VAV2: variants seen among roughly 807,000 people sequenced by gnomAD.
VAV2 encodes vav guanine nucleotide exchange factor 2.
In VAV2, 67 loss-of-function variants were observed where a neutral mutation model predicts 132.5. The observed-to-expected ratio is 0.51, with a 90% confidence interval of 0.42 to 0.62. The LOEUF (loss-of-function observed/expected upper bound fraction) is 0.62, where lower values mean the gene tolerates loss of function less well. Ranked by LOEUF, VAV2 falls within the 20% of genes least tolerant of loss-of-function variation. The pLI, the probability that VAV2 is intolerant of heterozygous loss-of-function variation, is 0.00. For missense variants in VAV2, 938 were observed against 1,153.6 expected (o/e 0.81, Z 2.71); for synonymous variants, 492 against 443.5 (o/e 1.11, Z -1.37).
At chr9:133,907,620 C>G (rs1243215766) in intron 2 of VAV2, among the ~76,000 whole-genome samples, 1 of 152,266 alleles carries the variant, frequency 6.6e-6, no homozygotes, top group Non-Finnish European at 1.5e-5. Context: ...GGAATCAAAA[C>G]TGATTTATGG....
At position 133,967,030 on chromosome 9, in the gene VAV2, G is replaced by C. The variant is rs1161107264; in HGVS notation, c.204+25045C>G. 6.0e-3 allele frequency among the ~76,000 whole-genome samples: 517 copies of C among 86,404 alleles called. 3 individuals are homozygous for C. The highest frequency in any genetic ancestry group is 0.02 in the African/African-American group (478 of 23,458). The allele number at this position is 86,404 out of a possible 152,430, so 56.7% of individuals were successfully genotyped here. On this transcript the variant is annotated intron_variant, in intron 1 of 29. Transcript: ENST00000371850. ...AGCCTAGGTGACTGAGCAAGACTTT[G>C]TCTCAAAAAAAAAAAAAAAAAGCAA...
At chr9:133,929,211 T>C (rs558648899) in intron 2 of VAV2, among the ~76,000 whole-genome samples, 4 of 151,958 alleles carry the variant, frequency 2.6e-5, no homozygotes, top group Non-Finnish European at 4.4e-5. Flanking sequence ...GTGGGTCCAC[T>C]CTCACCTGGC....
intron 2 of VAV2, among the ~76,000 whole-genome samples, chr9:133,873,026 T>C (rs1348794440): frequency 2.7e-5 from 4 of 147,176 alleles, no homozygotes; most frequent in Admixed American, 7.0e-5. Flanking sequence ...GGCAGAAGAA[T>C]TGCTTGAACC....
intron 2 of VAV2, among the ~76,000 whole-genome samples, chr9:133,866,460 C>T (rs1335419314): frequency 2.6e-5 from 4 of 152,170 alleles, no homozygotes; most frequent in South Asian, 2.1e-4. Flanking sequence ...AGTGAGGACA[C>T]GCCTACTCAA....
At chr9:133,812,649 G>A (rs1476125046) in intron 4 of VAV2, among the ~76,000 whole-genome samples, 1 of 152,170 alleles carries the variant, frequency 6.6e-6, no homozygotes, top group East Asian at 1.9e-4. Context: ...CTGGAGACCT[G>A]AGTGCTTCCG....
chr9:133,844,226 A>G (rs951510107), intron 3 of VAV2, among the ~76,000 whole-genome samples: 9 of 152,108 alleles, frequency 5.9e-5, no homozygotes, highest in Non-Finnish European at 2.9e-5. Flanking sequence ...GGCATAATAT[A>G]TATTTTTATT....
At chr9:133,815,630 C>A (rs1835527307) in intron 4 of VAV2, among the ~76,000 whole-genome samples, 1 of 152,202 alleles carries the variant, frequency 6.6e-6, no homozygotes, top group African/African-American at 2.4e-5. Flanking sequence ...CCCACATTTG[C>A]AGCTCATTCC....
rs889602482 is a variant in VAV2, at chr9:133,892,391, G to C, written c.322-30959C>G. On this transcript the variant is annotated intron_variant, in intron 2 of 29. Transcript: ENST00000371850. The stretch of plus-strand genomic sequence containing the variant: ...AAGCCTCTGTTTATTTTGGAAATGT[G>C]GGGGCTGAGGAGGTGGGGAGTGAAA... Among the ~76,000 whole-genome samples, 48 of 151,964 alleles carry C rather than the reference G, an allele frequency of 3.2e-4. 1 individual carries two copies. The Middle Eastern group carries it at 0.01, about 32-fold the overall frequency.
rs56219463 is a variant in VAV2, at chr9:133,796,363, A to G, written c.1032+66T>C. 1.2e-3 allele frequency: 1,641 copies of G among 1,422,386 alleles called. 34 individuals carry two copies. The East Asian group carries it at 0.036, about 32-fold the overall frequency. 88.1% of individuals were successfully genotyped at this position (1,422,386 alleles called of 1,614,324 possible). On this transcript the variant is annotated intron_variant, in intron 11 of 29. Coordinates refer to ENST00000371850, the MANE Select transcript of VAV2 (RefSeq NM_001134398.2). Reference sequence around the variant, plus strand: ...TGGGCTGCAACCTATACCCCCTGGAAGCTGCCAGCCCTCATCTGACTCCAG... The same window carrying G: ...TGGGCTGCAACCTATACCCCCTGGAGGCTGCCAGCCCTCATCTGACTCCAG...
chr9:133,832,565 T>C (rs1024814456), intron 4 of VAV2, among the ~76,000 whole-genome samples: 1 of 151,966 alleles, frequency 6.6e-6, no homozygotes, highest in South Asian at 2.1e-4. Flanking sequence ...TTTTCTTTTT[T>C]TTTTTTACCC....
At chr9:133,766,992 G>A (rs1833460277) in intron 29 of VAV2, among the ~76,000 whole-genome samples, 1 of 151,790 alleles carries the variant, frequency 6.6e-6, no homozygotes, top group African/African-American at 2.4e-5. Flanking sequence ...AAGAAAAAAA[G>A]TGTGTAACTA....
chr9:133,870,912 G>GTGGA (rs58400843), intron 2 of VAV2, among the ~76,000 whole-genome samples: 1,384 of 128,388 alleles, frequency 0.011, 47 homozygotes, highest in African/African-American at 0.039. Context: ...GGGTGGGTGG[G>GTGGA]TGGATGGATG....
chr9:133,958,370 C>T (rs1003541362), intron 1 of VAV2, among the ~76,000 whole-genome samples: 1 of 149,378 alleles, frequency 6.7e-6, no homozygotes. Flanking sequence ...GGAGGTGGGA[C>T]CTGCGGGCAG....
At position 133,824,681 on chromosome 9, in the gene VAV2, GGGTCCCA is replaced by G. The variant is rs1835916769; in HGVS notation, c.449+9584_449+9590del. Among the ~76,000 whole-genome samples, 1 of 152,108 alleles carries G rather than the reference GGGTCCCA, an allele frequency of 6.6e-6. No homozygotes were observed. Among genetic ancestry groups the G allele is most frequent in the Non-Finnish European group, 1.5e-5 (1 of 68,014 alleles). On this transcript the variant is annotated intron_variant, in intron 4 of 29. Transcript: ENST00000371850. This position sits in a 1 kb window ranked among gnomAD's most constrained non-coding sequence, Gnocchi z 5.2. ...GTGAGAAGTGCAGGGGCCCACAACGGGGTCCCAGGTCCCAGGTCTGTGGGGCAGGGAG... is the reference window on the plus strand; with the variant it reads ...GTGAGAAGTGCAGGGGCCCACAACGGGGTCCCAGGTCTGTGGGGCAGGGAG...
At position 133,823,592 on chromosome 9, in the gene VAV2, C is replaced by G. The variant is rs961850332; in HGVS notation, c.449+10680G>C. 2.6e-5 allele frequency among the ~76,000 whole-genome samples: 4 copies of G among 152,078 alleles called. No individual in the cohort carries two copies. The highest frequency in any genetic ancestry group is 9.7e-5 in the African/African-American group (4 of 41,412). On this transcript the variant is annotated intron_variant, in intron 4 of 29. Transcript: ENST00000371850. This position sits in a 1 kb window ranked among gnomAD's most constrained non-coding sequence, Gnocchi z 5.5. Reference sequence around the variant, plus strand: ...CTCTTCCTGGAGTTCCAGAACAGCACGAGGAGGGCGATTTAGAGGGGGAGG... The same window carrying G: ...CTCTTCCTGGAGTTCCAGAACAGCAGGAGGAGGGCGATTTAGAGGGGGAGG...
At chr9:133,925,636 G>A (rs1278226086) in intron 2 of VAV2, among the ~76,000 whole-genome samples, 2 of 152,230 alleles carry the variant, frequency 1.3e-5, no homozygotes, top group African/African-American at 2.4e-5. Context: ...TTGCTGCTGG[G>A]GATCTGGGAA....
At chr9:133,779,210 T>C (rs1350620583) in intron 21 of VAV2, among the ~76,000 whole-genome samples, 10 of 152,242 alleles carry the variant, frequency 6.6e-5, no homozygotes, top group Non-Finnish European at 1.0e-4. Context: ...GGGGGATCCC[T>C]CGTGTCAGAG....
chr9:133,856,145 G>A (rs774922134), intron 3 of VAV2, among the ~76,000 whole-genome samples: 7 of 152,346 alleles, frequency 4.6e-5, no homozygotes, highest in African/African-American at 9.6e-5. Flanking sequence ...TGGGGAGGGC[G>A]GTGACTGCTC....
chr9:133,822,584 C>T (rs985331230), intron 4 of VAV2, among the ~76,000 whole-genome samples: 1 of 152,148 alleles, frequency 6.6e-6, no homozygotes, highest in African/African-American at 2.4e-5. Context: ...GGAGGCCTTG[C>T]TTTTTCTACA....
Sources: allele counts gnomAD v4.1 joint callset (sites outside exome capture counted in the v4.1 genomes callset), GRCh38; gene constraint gnomAD v4.1.1; non-coding constraint Gnocchi (gnomAD v3.1); transcripts MANE v1.5; gene names NCBI Gene and HGNC (gene_info 2026-07-23, HGNC 2026-07-21).